SLC4A4: variants seen among roughly 807,000 people sequenced by gnomAD.
SLC4A4 encodes electrogenic sodium bicarbonate cotransporter 1.
SLC4A4 carries 27 observed loss-of-function variants against 111.5 expected under a neutral mutation model. The observed-to-expected ratio is 0.24, with a 90% CI of 0.18 to 0.33. The LOEUF (loss-of-function observed/expected upper bound fraction) is 0.33. SLC4A4 is among the 10% of genes least tolerant of loss of function. The pLI is 1.00. For missense variants in SLC4A4, 909 were observed against 1,315.5 expected (o/e 0.69, Z 4.78); for synonymous variants, 443 against 463.4 (o/e 0.96, Z 0.57).
chr4:71,549,796 T>C (rs565623161), intron 20 of SLC4A4, among the ~76,000 whole-genome samples: 49 of 152,010 alleles, frequency 3.2e-4, no homozygotes, highest in South Asian at 1.0e-3. Flanking sequence ...ACAACGCCTC[T>C]TCCTAACTAT....
chr4:71,542,163 TTTG>T (rs1342563468), intron 18 of SLC4A4, among the ~76,000 whole-genome samples: 2 of 152,118 alleles, frequency 1.3e-5, no homozygotes, highest in Non-Finnish European at 2.9e-5. Flanking sequence ...GAGTTTAATG[TTTG>T]TCGGACACTG....
In SLC4A4 at chr4:71,303,511, A is replaced by G. The variant is rs868647385; in HGVS notation, c.254-35859A>G. 1.6e-4 allele frequency among the ~76,000 whole-genome samples: 25 copies of G among 152,330 alleles called. No homozygotes were observed. The Middle Eastern group carries it at 0.024, about 145-fold the overall frequency. ...CAACTCTTCCTGTCTACACAGATGA[A>G]TCTCTTCATGACTACTGTGTTTCAG... On this transcript the variant is annotated intron_variant, in intron 3 of 25. Transcript: ENST00000264485.
chr4:71,450,851 A>T (rs1725695684), intron 10 of SLC4A4, among the ~76,000 whole-genome samples: 1 of 152,234 alleles, frequency 6.6e-6, no homozygotes, highest in East Asian at 1.9e-4. Flanking sequence ...CTGGAAACAT[A>T]AATTTACTGA....
At chr4:71,139,034 T>TGA (rs1743923904) in intron 2 of SLC4A4, among the ~76,000 whole-genome samples, 1 of 34,834 alleles carries the variant, frequency 2.9e-5, no homozygotes, top group African/African-American at 1.8e-4. Flanking sequence ...AGACTCCGTC[T>TGA]CAAAAAAAAA....
At chr4:71,288,298 A>G (rs1343560124) in intron 3 of SLC4A4, among the ~76,000 whole-genome samples, 2 of 152,154 alleles carry the variant, frequency 1.3e-5, no homozygotes, top group African/African-American at 4.8e-5. Flanking sequence ...TCTTTCAGAG[A>G]GATTCCCTGA....
intron 2 of SLC4A4, among the ~76,000 whole-genome samples, chr4:71,121,822 G>A (rs112835584): frequency 0.022 from 3,353 of 152,152 alleles, 121 homozygotes; most frequent in African/African-American, 0.075. Context: ...AATAAATCTC[G>A]CTGCTGCTCA....
chr4:71,211,989 G>T (rs1718161465), intron 1 of SLC4A4, among the ~76,000 whole-genome samples: 2 of 152,094 alleles, frequency 1.3e-5, no homozygotes, highest in African/African-American at 4.8e-5. Flanking sequence ...TGTGATGATT[G>T]CAGTGCTCCC....
At chr4:71,506,554 A>C (rs1252371812) in intron 16 of SLC4A4, among the ~76,000 whole-genome samples, 2 of 152,080 alleles carry the variant, frequency 1.3e-5, no homozygotes, top group African/African-American at 4.8e-5. Context: ...CCTGAGACTT[A>C]GCTGAAGTTG....
At chr4:71,134,634 G>T (rs1009825777) in intron 2 of SLC4A4, among the ~76,000 whole-genome samples, 3 of 152,158 alleles carry the variant, frequency 2.0e-5, no homozygotes, top group African/African-American at 7.2e-5. Flanking sequence ...GTATTGCTCC[G>T]AATAGAAGCC....
At chr4:71,494,680 A>G (rs1730241460) in intron 15 of SLC4A4, among the ~76,000 whole-genome samples, 1 of 151,986 alleles carries the variant, frequency 6.6e-6, no homozygotes, top group Non-Finnish European at 1.5e-5. Context: ...CATAGGAAAT[A>G]AAGATCAAAA....
chr4:71,502,994 A>G (rs1731083407), intron 16 of SLC4A4, among the ~76,000 whole-genome samples: 1 of 152,046 alleles, frequency 6.6e-6, no homozygotes, highest in Non-Finnish European at 1.5e-5. Flanking sequence ...TATTTGCTTT[A>G]TATGTTTGGG....
chr4:71,094,925 A>G (rs561544413), intron 2 of SLC4A4, among the ~76,000 whole-genome samples: 1 of 152,290 alleles, frequency 6.6e-6, no homozygotes, highest in African/African-American at 2.4e-5. Flanking sequence ...GAACAGGCTA[A>G]AAGTTAGGCA....
At chr4:71,407,668 G>C (rs972215921) in intron 7 of SLC4A4, among the ~76,000 whole-genome samples, 1 of 152,116 alleles carries the variant, frequency 6.6e-6, no homozygotes, top group Non-Finnish European at 1.5e-5. Flanking sequence ...CTAGAGTTTA[G>C]CAATACAAGT....
chr4:71,352,823 T>C (rs559341456), intron 5 of SLC4A4, among the ~76,000 whole-genome samples: 56 of 152,350 alleles, frequency 3.7e-4, no homozygotes, highest in South Asian at 1.9e-3. Context: ...AGTGACTTCA[T>C]GAACGGGAGA....
chr4:71,149,191 T>A (rs1744253979), intron 2 of SLC4A4, among the ~76,000 whole-genome samples: 1 of 152,178 alleles, frequency 6.6e-6, no homozygotes, highest in African/African-American at 2.4e-5. Context: ...TTAATTAGAA[T>A]GGCATGATTC....
chr4:71,120,293 C>G (rs1743378707), intron 2 of SLC4A4, among the ~76,000 whole-genome samples: 1 of 152,158 alleles, frequency 6.6e-6, no homozygotes, highest in African/African-American at 2.4e-5. Flanking sequence ...TACGGCTTAA[C>G]CATGATCATG....
chr4:71,477,736 C>T (rs571288341), intron 14 of SLC4A4, among the ~76,000 whole-genome samples: 3 of 151,820 alleles, frequency 2.0e-5, no homozygotes, highest in African/African-American at 7.2e-5. Flanking sequence ...ATGGGCATCC[C>T]CCCAACTTTC....
At chr4:71,456,194 A>T (rs142901783) in intron 12 of SLC4A4, among the ~76,000 whole-genome samples, 26 of 152,264 alleles carry the variant, frequency 1.7e-4, no homozygotes, top group African/African-American at 7.2e-5. Flanking sequence ...CTGTGGATGG[A>T]TTGTTTGAAA....
intron 1 of SLC4A4, among the ~76,000 whole-genome samples, chr4:71,194,116 G>T (rs1745877406): frequency 6.6e-6 from 1 of 152,144 alleles, no homozygotes; most frequent in African/African-American, 2.4e-5. Context: ...GTATTTGGAA[G>T]GTATGAATTG....
Sources: allele counts gnomAD v4.1 joint callset (sites outside exome capture counted in the v4.1 genomes callset), GRCh38; gene constraint gnomAD v4.1.1; transcripts MANE v1.5; gene names NCBI Gene and HGNC (gene_info 2026-07-23, HGNC 2026-07-21).